PRXL2A: variants seen among roughly 807,000 people sequenced by gnomAD.
The protein encoded by PRXL2A is peroxiredoxin-like 2A.
Under a neutral mutation model 25.6 loss-of-function variants are expected in PRXL2A, and 26 were observed. The observed-to-expected ratio is 1.02, with a 90% CI of 0.74 to 1.41. The LOEUF is 1.41. PRXL2A is among the 40% of genes most tolerant of loss of function. The probability of loss-of-function intolerance (pLI) is 0.00; values close to 1 mark genes in which losing one functional copy is unlikely to be tolerated. For missense variants in PRXL2A, 246 were observed against 273.9 expected, an observed-to-expected ratio of 0.90 and a Z score of 0.72; for synonymous variants, 98 against 102.9, an observed-to-expected ratio of 0.95 and a Z score of 0.29.
intron 5 of PRXL2A, among the ~76,000 whole-genome samples, chr10:80,428,911 CT>C (rs754215017): frequency 1.3e-5 from 2 of 151,914 alleles, no homozygotes; most frequent in African/African-American, 2.4e-5. Flanking sequence ...AGCTTTATTT[CT>C]TTTTTTTCAG....
intron 3 of PRXL2A, among the ~76,000 whole-genome samples, chr10:80,424,379 G>A (rs900626334): frequency 5.3e-5 from 6 of 114,258 alleles, no homozygotes; most frequent in African/African-American, 2.1e-4. Flanking sequence ...GACCACCCTA[G>A]GCAACATAGC....
intron 4 of PRXL2A, 121 bp downstream of exon 4, chr10:80,426,127 C>G (rs898193210): frequency 3.9e-6 from 5 of 1,290,682 alleles, no homozygotes; most frequent in East Asian, 2.3e-5. Context: ...TTCAGCTGTC[C>G]TGAACTTGCA....
At chr10:80,425,103 T>A (rs1844999347) in intron 3 of PRXL2A, among the ~76,000 whole-genome samples, 1 of 152,232 alleles carries the variant, frequency 6.6e-6, no homozygotes, top group African/African-American at 2.4e-5. Context: ...GTAGACTGCA[T>A]TTAAAAGGAT....
intron 3 of PRXL2A, among the ~76,000 whole-genome samples, chr10:80,425,478 A>G (rs1845010142): frequency 6.6e-6 from 1 of 152,260 alleles, no homozygotes; most frequent in Admixed American, 6.5e-5. Context: ...GGATATGCAC[A>G]GAGAAGCAGG....
chr10:80,415,624 TA>T (rs1564688876), intron 1 of PRXL2A, among the ~76,000 whole-genome samples: 1 of 152,248 alleles, frequency 6.6e-6, no homozygotes, highest in Non-Finnish European at 1.5e-5. Flanking sequence ...TCCCACTTGA[TA>T]TTTTTTTGTT....
At chr10:80,418,099 G>A (rs1844732837) in intron 1 of PRXL2A, among the ~76,000 whole-genome samples, 1 of 151,318 alleles carries the variant, frequency 6.6e-6, no homozygotes, top group Non-Finnish European at 1.5e-5. Flanking sequence ...ATTGTGTAGT[G>A]ATGGAGACTG....
At position 80,422,499 on chromosome 10, in the gene PRXL2A, C is replaced by G. The variant is rs143497158; in HGVS notation, c.261C>G (p.Leu87=). 2 of 1,613,814 alleles carry G rather than the reference C, an allele frequency of 1.2e-6. No homozygotes were observed. Among genetic ancestry groups the G allele is most frequent in the Non-Finnish European group, 8.5e-7 (1 of 1,179,724 alleles). ...CCGTGCGGAGGCCAGGCTGTTTCCT[C>G]TGTCGAGAGGTGAGTGCAGATGAGG... ...IMAVRRPGCF[L]CREEAADLSS... The change falls in exon 3 of 6, where the codon CTC becomes CTG. Residue 87 remains leucine, a synonymous_variant. Transcript: ENST00000606162.
chr10:80,435,370 T>G lies in PRXL2A; in HGVS notation c.*3271T>G, dbSNP rs966223891. On this transcript the variant is annotated 3_prime_UTR_variant, in exon 6 of 6. Transcript: ENST00000606162. ...GAGCTGCTAGAAACTATGCTAGTGT[T>G]TGTTCAAGTCTCTCCGTGTCCGGGG... The G allele has an allele frequency of 6.6e-6, 1 of 152,148 alleles. No homozygotes were observed. Among genetic ancestry groups the G allele is most frequent in the Non-Finnish European group, 1.5e-5 (1 of 68,036 alleles). 9.4% of individuals were successfully genotyped at this position (152,148 alleles called of 1,614,324 possible). A position where few individuals can be genotyped will look rare whatever the true frequency, so the allele number is the denominator to read the frequency against.
In PRXL2A at chr10:80,436,707, C is replaced by A. The variant is rs1284349037; in HGVS notation, c.*4608C>A. 6.6e-6 allele frequency: 1 copy of A among 152,186 alleles called. No homozygotes were observed. The highest frequency in any genetic ancestry group is 1.9e-4 in the East Asian group (1 of 5,202). 9.4% of individuals were successfully genotyped at this position (152,186 alleles called of 1,614,324 possible). A position where few individuals can be genotyped will look rare whatever the true frequency, so the allele number is the denominator to read the frequency against. ...AGAATCCCTCTTCCCCAAGGCAGGTCATCAGAAACCAGAACCGGTTTTACC... is the reference window on the plus strand; with the variant it reads ...AGAATCCCTCTTCCCCAAGGCAGGTAATCAGAAACCAGAACCGGTTTTACC... On this transcript the variant is annotated 3_prime_UTR_variant, in exon 6 of 6. Transcript: ENST00000606162.
rs1257025003 is a variant in PRXL2A, at chr10:80,435,154, CA to C, written c.*3056del. ...GCTTGAACCCAGGAGGCGGAGGGTGCAGTGAGCCGGGATCACGCCACTGCAC... is the reference window on the plus strand; with the variant it reads ...GCTTGAACCCAGGAGGCGGAGGGTGCGTGAGCCGGGATCACGCCACTGCAC... On this transcript the variant is annotated 3_prime_UTR_variant, in exon 6 of 6. Transcript: ENST00000606162. The C allele has an allele frequency of 6.6e-6, 1 of 152,326 alleles. No individual in the cohort carries two copies. The highest frequency in any genetic ancestry group is 1.5e-5 in the Non-Finnish European group (1 of 68,168). 9.4% of individuals were successfully genotyped at this position (152,326 alleles called of 1,614,324 possible). A position where few individuals can be genotyped will look rare whatever the true frequency, so the allele number is the denominator to read the frequency against.
chr10:80,415,374 CT>C (rs1383001199), intron 1 of PRXL2A, among the ~76,000 whole-genome samples: 1 of 152,202 alleles, frequency 6.6e-6, no homozygotes, highest in Non-Finnish European at 1.5e-5. Flanking sequence ...AGATGGGGGT[CT>C]TTGGAACATA....
At chr10:80,431,709 C>T (rs1285822611) in intron 5 of PRXL2A, among the ~76,000 whole-genome samples, 3 of 152,168 alleles carry the variant, frequency 2.0e-5, no homozygotes, top group South Asian at 2.1e-4. Context: ...GGTTACCCTC[C>T]GTGCCTCTGT....
Position 80,425,914 on chromosome 10 carries a change from G to T in PRXL2A, c.319G>T (p.Val107Phe), listed in dbSNP as rs200172480. The T allele has an allele frequency of 6.2e-7, 1 of 1,614,220 alleles. No individual in the cohort carries two copies. The highest frequency in any genetic ancestry group is 1.3e-5 in the African/African-American group (1 of 75,040). Residue 107 changes from valine to phenylalanine, a missense_variant, in exon 4 of 6, where the codon GTC becomes TTC. Coordinates refer to ENST00000606162, the MANE Select transcript of PRXL2A (RefSeq NM_032333.5). ...SLKSMLDQLG[V>F]PLYAVVKEHI... ...GAAAAGCATGTTGGACCAGCTGGGC[G>T]TCCCCCTCTATGCAGTGGTAAAGGA...
At chr10:80,421,902 C>G (rs535259314) in intron 2 of PRXL2A, among the ~76,000 whole-genome samples, 46 of 152,314 alleles carry the variant, frequency 3.0e-4, no homozygotes, top group Admixed American at 1.4e-3. Context: ...CAGCTAGATT[C>G]AGATTCAGTT....
At chr10:80,423,554 G>T (rs1844935554) in intron 3 of PRXL2A, among the ~76,000 whole-genome samples, 1 of 152,186 alleles carries the variant, frequency 6.6e-6, no homozygotes, top group Admixed American at 6.5e-5. Context: ...TGCTTGTGTG[G>T]CTGGGCTGGT....
At position 80,432,492 on chromosome 10, in the gene PRXL2A, T is replaced by G. The variant is rs556265914; in HGVS notation, c.*393T>G. 2.0e-4 allele frequency: 32 copies of G among 158,778 alleles called. No individual in the cohort carries two copies. In the East Asian group the frequency reaches 6.1e-3, roughly 30 times the overall value. 9.8% of individuals were successfully genotyped at this position (158,778 alleles called of 1,614,324 possible). A position where few individuals can be genotyped will look rare whatever the true frequency, so the allele number is the denominator to read the frequency against. On this transcript the variant is annotated 3_prime_UTR_variant, in exon 6 of 6. Transcript: ENST00000606162. ...CCCGTCTCTACTAAAAATACAAAAA[T>G]CACCCGGGTGTGGTGGCAGGCACCT...
chr10:80,424,405 C>CAAAA (rs33941883), intron 3 of PRXL2A, among the ~76,000 whole-genome samples: 8 of 75,076 alleles, frequency 1.1e-4, no homozygotes, highest in Non-Finnish European at 1.9e-4. Context: ...CCTGTCTCTA[C>CAAAA]AAAAAAAAAA....
At chr10:80,427,803 A>T (rs1845100838) in intron 5 of PRXL2A, among the ~76,000 whole-genome samples, 1 of 152,228 alleles carries the variant, frequency 6.6e-6, no homozygotes, top group Non-Finnish European at 1.5e-5. Context: ...AGCACAGCTC[A>T]TCGGTGGCTC....
At chr10:80,419,390 C>T (rs1413597299) in intron 1 of PRXL2A, among the ~76,000 whole-genome samples, 6 of 150,736 alleles carry the variant, frequency 4.0e-5, no homozygotes, top group African/African-American at 1.5e-4. Flanking sequence ...TCACCGCAAC[C>T]TCCGCCTCCC....
Sources: allele counts gnomAD v4.1 joint callset (sites outside exome capture counted in the v4.1 genomes callset), GRCh38; gene constraint gnomAD v4.1.1; transcripts MANE v1.5; gene names NCBI Gene and HGNC (gene_info 2026-07-23, HGNC 2026-07-21).